Variants in KCNAB2 observed in about 807,000 individuals in gnomAD.
The protein encoded by KCNAB2 is voltage-gated potassium channel subunit beta-2.
In KCNAB2, 29 loss-of-function variants were observed where a neutral mutation model predicts 63.6. The ratio of observed to expected loss-of-function variants is 0.46; its 90% confidence interval spans 0.34 to 0.62. KCNAB2 has a LOEUF of 0.62. Ranked by LOEUF, KCNAB2 falls within the 20% of genes least tolerant of loss-of-function variation. KCNAB2 has a pLI of 0.01. For missense variants in KCNAB2, 359 were observed against 563.9 expected (o/e 0.64, Z 3.68); for synonymous variants, 222 against 224.2 (o/e 0.99, Z 0.09).
chr1:6,079,641 C>T (rs1049329994), intron 4 of KCNAB2, among the ~76,000 whole-genome samples: 5 of 152,158 alleles, frequency 3.3e-5, no homozygotes, highest in Non-Finnish European at 5.9e-5. Context: ...CACGGTGTGA[C>T]TGCATTTGTC....
intron 2 of KCNAB2, among the ~76,000 whole-genome samples, chr1:6,072,414 C>T (rs888752957): frequency 2.0e-5 from 3 of 152,226 alleles, no homozygotes; most frequent in Admixed American, 6.5e-5. Flanking sequence ...CAAGGGGCGC[C>T]GCATGGATGG....
intron 2 of KCNAB2, among the ~76,000 whole-genome samples, chr1:6,055,043 C>T (rs1376383547): frequency 2.0e-5 from 3 of 152,088 alleles, no homozygotes; most frequent in African/African-American, 7.2e-5. Context: ...ACAGGAGCCA[C>T]GAGATGCTGG....
upstream of KCNAB2, among the ~76,000 whole-genome samples, chr1:6,031,221 TTTCC>T (rs1050990703): frequency 2.0e-5 from 3 of 152,196 alleles, no homozygotes; most frequent in Admixed American, 6.5e-5. The surrounding 1 kb of genome is among the most constrained non-coding windows in gnomAD (Gnocchi z 4.1). Flanking sequence ...CATTCATTTA[TTTCC>T]TTCTCTCACC....
intron 1 of KCNAB2, among the ~76,000 whole-genome samples, chr1:6,017,886 G>A (rs1658605556): frequency 6.6e-6 from 1 of 151,730 alleles, no homozygotes; most frequent in Non-Finnish European, 1.5e-5. Context: ...GTTCCTGGAG[G>A]AGATGTTGTC....
chr1:6,042,091 T>G (rs1660545918), upstream of KCNAB2, among the ~76,000 whole-genome samples: 1 of 152,210 alleles, frequency 6.6e-6, no homozygotes, highest in Non-Finnish European at 1.5e-5. Flanking sequence ...TGTGTTGGTC[T>G]GCCAGAAGTT....
At position 6,096,461 on chromosome 1, in the gene KCNAB2, C is replaced by G; in HGVS notation, c.949-175C>G. On this transcript the variant is annotated intron_variant, in intron 13 of 15. Transcript: ENST00000378083. The surrounding 1 kb of genome is among the most constrained non-coding windows in gnomAD (Gnocchi z 5.9). ...ACCAGCCCGTGCCCGGCCCACTGCCCACTCTCCCCTACTTGAGAGGCCTGG... is the reference window on the plus strand; with the variant it reads ...ACCAGCCCGTGCCCGGCCCACTGCCGACTCTCCCCTACTTGAGAGGCCTGG... 2.4e-6 allele frequency: 2 copies of G among 839,140 alleles called. No individual in the cohort carries two copies. Among genetic ancestry groups the G allele is most frequent in the Non-Finnish European group, 3.6e-6 (2 of 548,362 alleles). 52.0% of individuals were successfully genotyped at this position (839,140 alleles called of 1,614,324 possible).
chr1:6,065,318 G>A (rs1003655005), intron 2 of KCNAB2, among the ~76,000 whole-genome samples: 1 of 152,228 alleles, frequency 6.6e-6, no homozygotes, highest in African/African-American at 2.4e-5. Context: ...ATGGCCTCAG[G>A]GGACCAGCCA....
Position 6,098,899 on chromosome 1 carries a change from C to T in KCNAB2, c.*325C>T, listed in dbSNP as rs1665857524. 1 of 253,790 alleles carries T rather than the reference C, an allele frequency of 3.9e-6. No homozygotes were observed. Among genetic ancestry groups the T allele is most frequent in the Non-Finnish European group, 7.6e-6 (1 of 132,162 alleles). 15.7% of individuals were successfully genotyped at this position (253,790 alleles called of 1,614,324 possible). Reference sequence around the variant, plus strand: ...ACAGCCAAGATTCCCAAAGTCAAGGCCCAAAGATTTCCAAGGTTCCCAAAG... The same window carrying T: ...ACAGCCAAGATTCCCAAAGTCAAGGTCCAAAGATTTCCAAGGTTCCCAAAG... On this transcript the variant is annotated 3_prime_UTR_variant, in exon 16 of 16. Transcript: ENST00000378083.
chr1:6,030,406 A>G (rs939822603), upstream of KCNAB2, among the ~76,000 whole-genome samples: 27 of 152,168 alleles, frequency 1.8e-4, no homozygotes, highest in African/African-American at 2.4e-5. Flanking sequence ...AGCAAGTCAC[A>G]TGGTTGCACA....
In KCNAB2 at chr1:6,090,381, TC is replaced by T. The variant is rs779507754; in HGVS notation, c.515-3del. The T allele has an allele frequency of 1.1e-5, 18 of 1,606,618 alleles. No homozygotes were observed. Among genetic ancestry groups the T allele is most frequent in the Non-Finnish European group, 1.4e-5 (17 of 1,173,702 alleles). On this transcript the variant is annotated splice_polypyrimidine_tract_variant and splice_region_variant and intron_variant, in intron 8 of 15. Transcript: ENST00000378083. Reference sequence around the variant, plus strand: ...GCAGTGACGCCCCCCCACCTGGTCCTCCCCCAGGTCTGAAAGCTTCCCTGGA... The same window carrying T: ...GCAGTGACGCCCCCCCACCTGGTCCTCCCCAGGTCTGAAAGCTTCCCTGGA...
At chr1:6,067,858 T>C (rs192836187) in intron 2 of KCNAB2, among the ~76,000 whole-genome samples, 71 of 152,252 alleles carry the variant, frequency 4.7e-4, no homozygotes, top group African/African-American at 1.6e-3. Flanking sequence ...AATGAAACCC[T>C]GTCTCTACCA....
At chr1:6,049,805 A>T (rs1360533931) in intron 1 of KCNAB2, among the ~76,000 whole-genome samples, 1 of 152,242 alleles carries the variant, frequency 6.6e-6, no homozygotes, top group African/African-American at 2.4e-5. Context: ...TGCTGGGCAC[A>T]ACAGGGCAGA....
intron 4 of KCNAB2, among the ~76,000 whole-genome samples, chr1:6,080,407 C>T (rs1276189011): frequency 6.6e-6 from 1 of 152,154 alleles, no homozygotes; most frequent in Non-Finnish European, 1.5e-5. Flanking sequence ...CAGCAGGTCC[C>T]TCGGGCGGCG....
upstream of KCNAB2, among the ~76,000 whole-genome samples, chr1:6,033,378 C>T (rs184597518): frequency 3.1e-3 from 458 of 145,640 alleles, 2 homozygotes; most frequent in Middle Eastern, 0.015. Flanking sequence ...CATATGTGTG[C>T]GTGTATGTGT....
In KCNAB2 at chr1:6,086,684, T is replaced by TA. The variant is rs773627406; in HGVS notation, c.426-782dup. 5.9e-5 allele frequency among the ~76,000 whole-genome samples: 9 copies of TA among 152,150 alleles called. No homozygotes were observed. The highest frequency in any genetic ancestry group is 1.3e-4 in the Non-Finnish European group (9 of 68,006). ...CATCCCACCAGGACAAAGCCACTGGTATGGGCATTTGTCTCGTGTGGACTT... is the reference window on the plus strand; with the variant it reads ...CATCCCACCAGGACAAAGCCACTGGTAATGGGCATTTGTCTCGTGTGGACTT... On this transcript the variant is annotated intron_variant, in intron 6 of 15. Coordinates refer to ENST00000378083, the MANE Select transcript of KCNAB2 (RefSeq NM_001199862.2). This position sits in a 1 kb window ranked among gnomAD's most constrained non-coding sequence, Gnocchi z 4.2.
intron 1 of KCNAB2, among the ~76,000 whole-genome samples, chr1:6,008,677 T>A (rs1333465245): frequency 6.7e-6 from 1 of 149,934 alleles, no homozygotes; most frequent in Non-Finnish European, 1.5e-5. Flanking sequence ...GAAATGCTCC[T>A]GGTATCAACA....
At chr1:6,005,434 T>G (rs112612038) in intron 1 of KCNAB2, among the ~76,000 whole-genome samples, 1,555 of 4,086 alleles carry the variant, frequency 0.38, 468 homozygotes, top group Middle Eastern at 0.57. Context: ...GTGGGTTGTG[T>G]GAGCTGAGCT....
Position 6,060,105 on chromosome 1 carries a change from C to T in KCNAB2, c.218+8351C>T, listed in dbSNP as rs137922472. Among the ~76,000 whole-genome samples, 22 of 152,344 alleles carry T rather than the reference C, an allele frequency of 1.4e-4. No individual in the cohort carries two copies. The South Asian group carries it at 3.5e-3, about 24-fold the overall frequency. Reference sequence around the variant, plus strand: ...GCAAGGCCAGTGAGTCACCCTACTCCAGACACAGAACCTGCTGCTGCCTCA... The same window carrying T: ...GCAAGGCCAGTGAGTCACCCTACTCTAGACACAGAACCTGCTGCTGCCTCA... On this transcript the variant is annotated intron_variant, in intron 2 of 15. Coordinates refer to ENST00000378083, the MANE Select transcript of KCNAB2 (RefSeq NM_001199862.2).
chr1:6,098,501 C>A lies in KCNAB2; in HGVS notation c.1175C>A (p.Ser392Ter). The A allele has an allele frequency of 1.2e-6, 2 of 1,613,932 alleles. No homozygotes were observed. The highest frequency in any genetic ancestry group is 1.1e-5 in the South Asian group (1 of 91,060). Reference sequence around the variant, plus strand: ...TGCACGCAGGTCCTTCCGAAACTGTCATCTTCCATTATCCACGAGATTGAT... The same window carrying A: ...TGCACGCAGGTCCTTCCGAAACTGTAATCTTCCATTATCCACGAGATTGAT... ...IGAIQVLPKL[S>*]SSIIHEIDSI... The change falls in exon 16 of 16, where the codon TCA becomes TAA. Residue 392 changes from serine to a stop codon, truncating the protein, a stop_gained. Coordinates refer to ENST00000378083, the MANE Select transcript of KCNAB2 (RefSeq NM_001199862.2). LOFTEE classifies it high-confidence loss of function.
Sources: allele counts gnomAD v4.1 joint callset (sites outside exome capture counted in the v4.1 genomes callset), GRCh38; gene constraint gnomAD v4.1.1; non-coding constraint Gnocchi (gnomAD v3.1); transcripts MANE v1.5; gene names NCBI Gene and HGNC (gene_info 2026-07-23, HGNC 2026-07-21).